Variants in STX11 observed in about 807,000 individuals in gnomAD.
STX11 encodes syntaxin 11.
STX11 carries 21 observed loss-of-function variants against 19.9 expected under a neutral mutation model. That is an observed-to-expected ratio of 1.06 (90% confidence interval 0.75 to 1.52). STX11 has a LOEUF of 1.52. Among genes scored for constraint, STX11 ranks in the 40% most tolerant of loss-of-function variants. The pLI is 0.00. For missense variants in STX11, 438 were observed against 405.9 expected, an observed-to-expected ratio of 1.08 and a Z score of -0.68; for synonymous variants, 193 against 174.4, an observed-to-expected ratio of 1.11 and a Z score of -0.84.
At chr6:144,150,166 G>A (rs979281067), upstream of STX11, among the ~76,000 whole-genome samples, 2 of 152,244 alleles carry the variant, frequency 1.3e-5, no homozygotes, top group East Asian at 1.9e-4. Flanking sequence ...TCCTCGCCGC[G>A]GCAACGCACC....
At chr6:144,156,205 C>T (rs1801160600) in intron 1 of STX11, among the ~76,000 whole-genome samples, 1 of 151,640 alleles carries the variant, frequency 6.6e-6, no homozygotes, top group South Asian at 2.1e-4. Flanking sequence ...GCTGGAATTA[C>T]AGGGATGCAC....
At chr6:144,156,768 C>T (rs1801181844) in intron 1 of STX11, among the ~76,000 whole-genome samples, 1 of 152,170 alleles carries the variant, frequency 6.6e-6, no homozygotes, top group Admixed American at 6.5e-5. Flanking sequence ...TTTCCCACCT[C>T]CTCCTCCCCT....
Position 144,187,829 on chromosome 6 carries a change from A to G in STX11, c.*338A>G, listed in dbSNP as rs1382478234. ...GTGAATGTCTGAGGCCTGCCTCCTAATAAAGACTCAAGGAGGAAGTCAATT... is the reference window on the plus strand; with the variant it reads ...GTGAATGTCTGAGGCCTGCCTCCTAGTAAAGACTCAAGGAGGAAGTCAATT... On this transcript the variant is annotated 3_prime_UTR_variant, in exon 2 of 2. Coordinates refer to ENST00000367568, the MANE Select transcript of STX11 (RefSeq NM_003764.4). This position sits in a 1 kb window ranked among gnomAD's most constrained non-coding sequence, Gnocchi z 5.6. The G allele has an allele frequency of 4.6e-6, 2 of 431,022 alleles. No homozygotes were observed. Among genetic ancestry groups the G allele is most frequent in the East Asian group, 4.1e-5 (1 of 24,332 alleles). 26.7% of individuals were successfully genotyped at this position (431,022 alleles called of 1,614,324 possible).
At chr6:144,181,222 C>T (rs954696171) in intron 1 of STX11, among the ~76,000 whole-genome samples, 2 of 152,220 alleles carry the variant, frequency 1.3e-5, no homozygotes, top group Admixed American at 6.5e-5. Context: ...CCTTCTCTAT[C>T]AGGTTTTTGC....
In STX11 at chr6:144,152,792, C is replaced by T. The variant is rs1329909689; in HGVS notation, c.-6+2089C>T. 6.6e-6 allele frequency among the ~76,000 whole-genome samples: 1 copy of T among 152,222 alleles called. No individual in the cohort carries two copies. Among genetic ancestry groups the T allele is most frequent in the Non-Finnish European group, 1.5e-5 (1 of 68,048 alleles). ...GGGACTACAGACACCCACCACAACA[C>T]CCGGCTAATTTTTGTATTTTTAGTA... On this transcript the variant is annotated intron_variant, in intron 1 of 1. Coordinates refer to ENST00000367568, the MANE Select transcript of STX11 (RefSeq NM_003764.4). This position sits in a 1 kb window ranked among gnomAD's most constrained non-coding sequence, Gnocchi z 4.9.
Position 144,154,528 on chromosome 6 carries a change from C to T in STX11, c.-6+3825C>T, listed in dbSNP as rs541083531. On this transcript the variant is annotated intron_variant, in intron 1 of 1. Coordinates refer to ENST00000367568, the MANE Select transcript of STX11 (RefSeq NM_003764.4). This position sits in a 1 kb window ranked among gnomAD's most constrained non-coding sequence, Gnocchi z 4.7. ...CCACCCCTCCTAAACACTGAATGCT[C>T]AACTTTTCATATTTCTCAGATGCAC... Among the ~76,000 whole-genome samples, 4 of 152,242 alleles carry T rather than the reference C, an allele frequency of 2.6e-5. No individual in the cohort carries two copies. In the East Asian group the frequency reaches 7.7e-4, roughly 29 times the overall value.
In STX11 at chr6:144,177,486, C is replaced by T. The variant is rs533218265; in HGVS notation, c.-5-9137C>T. Among the ~76,000 whole-genome samples, 4 of 152,336 alleles carry T rather than the reference C, an allele frequency of 2.6e-5. No homozygotes were observed. The highest frequency in any genetic ancestry group is 2.1e-4 in the South Asian group (1 of 4,826). ...TCTACTGGCTGGGAGCGGTGGCTCA[C>T]GCCTGTAATCCCAGCACTTTGGGAG... On this transcript the variant is annotated intron_variant, in intron 1 of 1. Transcript: ENST00000367568. The surrounding 1 kb of genome is among the most constrained non-coding windows in gnomAD (Gnocchi z 4.4).
chr6:144,187,944 G>A lies in STX11; in HGVS notation c.*453G>A, dbSNP rs1802106413. 3 of 292,700 alleles carry A rather than the reference G, an allele frequency of 1.0e-5. No individual in the cohort carries two copies. The South Asian group carries it at 2.5e-4, about 24-fold the overall frequency. The allele number at this position is 292,700 out of a possible 1,614,324, so 18.1% of individuals were successfully genotyped here. A position where few individuals can be genotyped will look rare whatever the true frequency, so the allele number is the denominator to read the frequency against. On this transcript the variant is annotated 3_prime_UTR_variant, in exon 2 of 2. Coordinates refer to ENST00000367568, the MANE Select transcript of STX11 (RefSeq NM_003764.4). The surrounding 1 kb of genome is among the most constrained non-coding windows in gnomAD (Gnocchi z 5.6). Reference sequence around the variant, plus strand: ...TCCCTGGTTCTGTTCCATTTTGAGCGAAATTGGCCTTGGGAAAAACCACGT... The same window carrying A: ...TCCCTGGTTCTGTTCCATTTTGAGCAAAATTGGCCTTGGGAAAAACCACGT...
rs1163934329 is a variant in STX11 at position 144,183,319 on chromosome 6, G to A, written c.-5-3304G>A. ...GCCATTAGATAGCCTTCTAAACTCT[G>A]TGACTTATGTAGAAGCCAGGACCTC... On this transcript the variant is annotated intron_variant, in intron 1 of 1. Coordinates refer to ENST00000367568, the MANE Select transcript of STX11 (RefSeq NM_003764.4). The surrounding 1 kb of genome is among the most constrained non-coding windows in gnomAD (Gnocchi z 4.6). Among the ~76,000 whole-genome samples the A allele has an allele frequency of 1.3e-5, 2 of 152,170 alleles. No individual in the cohort carries two copies. The highest frequency in any genetic ancestry group is 6.5e-5 in the Admixed American group (1 of 15,278).
chr6:144,150,606 T>G lies in STX11; in HGVS notation c.-103T>G, dbSNP rs1399320233. ...GCGCCGGGAGCGGAGCCGCCGGGAGTCGCGCAACAGGTTTCCTTCTCCATC... is the reference window on the plus strand; with the variant it reads ...GCGCCGGGAGCGGAGCCGCCGGGAGGCGCGCAACAGGTTTCCTTCTCCATC... On this transcript the variant is annotated 5_prime_UTR_variant, in exon 1 of 2. Coordinates refer to ENST00000367568, the MANE Select transcript of STX11 (RefSeq NM_003764.4). 1.0e-6 allele frequency: 1 copy of G among 984,284 alleles called. No individual in the cohort carries two copies. Among genetic ancestry groups the G allele is most frequent in the Non-Finnish European group, 1.2e-6 (1 of 829,786 alleles). The allele number at this position is 984,284 out of a possible 1,614,324, so 61.0% of individuals were successfully genotyped here. A position where few individuals can be genotyped will look rare whatever the true frequency, so the allele number is the denominator to read the frequency against.
upstream of STX11, among the ~76,000 whole-genome samples, chr6:144,147,839 G>A (rs576269540): frequency 3.9e-5 from 6 of 152,120 alleles, no homozygotes; most frequent in Non-Finnish European, 8.8e-5. This position sits in a 1 kb window ranked among gnomAD's most constrained non-coding sequence, Gnocchi z 4.2. Context: ...AGGGGAGGTC[G>A]AGGCTGCAGG....
At chr6:144,148,683 A>G (rs1800923336), upstream of STX11, among the ~76,000 whole-genome samples, 1 of 152,216 alleles carries the variant, frequency 6.6e-6, no homozygotes, top group Non-Finnish European at 1.5e-5. Context: ...GATCCCATCC[A>G]GGATACCACA....
At chr6:144,164,625 T>C (rs1028597655) in intron 1 of STX11, among the ~76,000 whole-genome samples, 13 of 152,228 alleles carry the variant, frequency 8.5e-5, no homozygotes, top group Non-Finnish European at 1.8e-4. Context: ...AAAATTCTGT[T>C]GGTATTAAAA....
At position 144,153,741 on chromosome 6, in the gene STX11, G is replaced by A. The variant is rs989616464; in HGVS notation, c.-6+3038G>A. 2.0e-5 allele frequency among the ~76,000 whole-genome samples: 3 copies of A among 152,200 alleles called. No homozygotes were observed. The highest frequency in any genetic ancestry group is 7.2e-5 in the African/African-American group (3 of 41,454). Reference sequence around the variant, plus strand: ...GAATCGGGCAGTGACAATGCAGATGGGAAAAGAGGGAAGGGGCTGGTAGAG... The same window carrying A: ...GAATCGGGCAGTGACAATGCAGATGAGAAAAGAGGGAAGGGGCTGGTAGAG... On this transcript the variant is annotated intron_variant, in intron 1 of 1. Transcript: ENST00000367568. The surrounding 1 kb of genome is among the most constrained non-coding windows in gnomAD (Gnocchi z 5.0).
chr6:144,151,806 C>T lies in STX11; in HGVS notation c.-6+1103C>T, dbSNP rs1286351466. Reference sequence around the variant, plus strand: ...TGTGTTTACTAAATTGGTGCTAAAACCACATGATGATTTTTGAAGCGGGTG... The same window carrying T: ...TGTGTTTACTAAATTGGTGCTAAAATCACATGATGATTTTTGAAGCGGGTG... On this transcript the variant is annotated intron_variant, in intron 1 of 1. Transcript: ENST00000367568. This position sits in a 1 kb window ranked among gnomAD's most constrained non-coding sequence, Gnocchi z 4.6. Among the ~76,000 whole-genome samples the T allele has an allele frequency of 6.6e-6, 1 of 152,146 alleles. No individual in the cohort carries two copies. The highest frequency in any genetic ancestry group is 2.1e-4 in the South Asian group (1 of 4,832).
chr6:144,163,302 A>G (rs543945779), intron 1 of STX11, among the ~76,000 whole-genome samples: 2 of 152,284 alleles, frequency 1.3e-5, no homozygotes, highest in African/African-American at 4.8e-5. Flanking sequence ...GCTAGGCGTC[A>G]TGGCTTATGC....
rs1477795116 is a variant in STX11 at position 144,189,165 on chromosome 6, G to A, written c.*1674G>A. On this transcript the variant is annotated 3_prime_UTR_variant, in exon 2 of 2. Coordinates refer to ENST00000367568, the MANE Select transcript of STX11 (RefSeq NM_003764.4). ...CAGCCTACAAATAGCTGAGACTACA[G>A]ATATGTGCCACCATGCCCGGCTAAT... is the stretch of plus-strand genomic sequence containing the variant. 6.6e-6 allele frequency among the ~76,000 whole-genome samples: 1 copy of A among 152,176 alleles called. No homozygotes were observed. The highest frequency in any genetic ancestry group is 1.5e-5 in the Non-Finnish European group (1 of 68,036).
chr6:144,178,614 G>T (rs910699183), intron 1 of STX11, among the ~76,000 whole-genome samples: 1 of 152,240 alleles, frequency 6.6e-6, no homozygotes, highest in Non-Finnish European at 1.5e-5. Flanking sequence ...TTGAAAAGTA[G>T]AGGCTGTCTC....
chr6:144,182,466 T>G lies in STX11; in HGVS notation c.-5-4157T>G, dbSNP rs1000127999. Among the ~76,000 whole-genome samples the G allele has an allele frequency of 4.6e-5, 7 of 152,194 alleles. No individual in the cohort carries two copies. The highest frequency in any genetic ancestry group is 1.0e-4 in the Non-Finnish European group (7 of 68,018). On this transcript the variant is annotated intron_variant, in intron 1 of 1. Transcript: ENST00000367568. The surrounding 1 kb of genome is among the most constrained non-coding windows in gnomAD (Gnocchi z 4.8). The stretch of plus-strand genomic sequence containing the variant: ...ATCTTTATGTCTCCTGTACCCTTTC[T>G]TTTTCTCTTATTAGCACATTATGGA...
Sources: allele counts gnomAD v4.1 joint callset (sites outside exome capture counted in the v4.1 genomes callset), GRCh38; gene constraint gnomAD v4.1.1; non-coding constraint Gnocchi (gnomAD v3.1); transcripts MANE v1.5; gene names NCBI Gene and HGNC (gene_info 2026-07-23, HGNC 2026-07-21).